The following TENM3 variants were observed in gnomAD, a reference collection of about 807,000 sequenced individuals.
TENM3 encodes teneurin-3.
In TENM3, 63 loss-of-function variants were observed where a neutral mutation model predicts 255.1. The observed-to-expected ratio is 0.25, with a 90% confidence interval of 0.20 to 0.30. The LOEUF is 0.30. Among genes scored for constraint, TENM3 ranks in the 10% least tolerant of loss-of-function variants. The probability of loss-of-function intolerance (pLI) is 1.00; values close to 1 mark genes in which losing one functional copy is unlikely to be tolerated. For synonymous variants in TENM3, 1,306 were observed against 1,322.3 expected, an observed-to-expected ratio of 0.99 and a Z score of 0.27; for missense variants, 2,929 against 3,461.1, an observed-to-expected ratio of 0.85 and a Z score of 3.86.
chr4:181,527,411 C>T, the TENM3 span, among the ~76,000 whole-genome samples: 1 of 152,040 alleles, frequency 6.6e-6, no homozygotes. Flanking sequence ...CTTTGTCACC[C>T]AGGCTGGAGT....
the TENM3 span, among the ~76,000 whole-genome samples, chr4:181,978,862 T>A: frequency 1.3e-4 from 20 of 150,724 alleles, no homozygotes; most frequent in Admixed American, 1.3e-3. Flanking sequence ...TTGTGGTCTC[T>A]TGTTCTGCTT....
chr4:182,651,217 C>T (rs559184797), intron 5 of TENM3, among the ~76,000 whole-genome samples: 1 of 152,034 alleles, frequency 6.6e-6, no homozygotes, highest in South Asian at 2.1e-4. Context: ...AACTAAGCTC[C>T]CATTATTTTG....
intron 16 of TENM3, among the ~76,000 whole-genome samples, chr4:182,731,958 T>G (rs1760782287): frequency 1.3e-5 from 2 of 151,918 alleles, no homozygotes; most frequent in African/African-American, 2.4e-5. Flanking sequence ...ATTTTTTGTA[T>G]TTTTAGTAGA....
At chr4:182,368,254 T>C (rs1766562589) in intron 3 of TENM3, among the ~76,000 whole-genome samples, 1 of 152,208 alleles carries the variant, frequency 6.6e-6, no homozygotes, top group African/African-American at 2.4e-5. Flanking sequence ...AGAGGCAGGA[T>C]GGTGCAAGGA....
At chr4:181,810,847 C>T in the TENM3 span, among the ~76,000 whole-genome samples, 26 of 152,184 alleles carry the variant, frequency 1.7e-4, no homozygotes, top group Admixed American at 7.2e-4. Context: ...GAGCGGCAAG[C>T]GTTCCAGTGT....
At chr4:182,412,138 T>C (rs118096734) in intron 3 of TENM3, among the ~76,000 whole-genome samples, 2,535 of 152,202 alleles carry the variant, frequency 0.017, 57 homozygotes, top group East Asian at 0.069. Context: ...TGTAAGCTCC[T>C]CCCTAGAAAG....
intron 27 of TENM3, 22 bp downstream of exon 27, chr4:182,796,789 G>T: frequency 6.3e-7 from 1 of 1,583,998 alleles, no homozygotes. Context: ...AAAGACCTAC[G>T]GAAAGGTGAT....
At chr4:181,786,010 G>A in the TENM3 span, among the ~76,000 whole-genome samples, 3 of 152,174 alleles carry the variant, frequency 2.0e-5, no homozygotes, top group Non-Finnish European at 4.4e-5. Flanking sequence ...ACGCTGGGCT[G>A]TAAGGAAAAC....
intron 3 of TENM3, among the ~76,000 whole-genome samples, chr4:182,568,109 A>C (rs1487161112): frequency 6.6e-6 from 1 of 152,192 alleles, no homozygotes; most frequent in Admixed American, 6.5e-5. Flanking sequence ...ATGTGCACCT[A>C]ATTCATCAGC....
At chr4:182,636,392 T>C (rs1448878050) in intron 5 of TENM3, among the ~76,000 whole-genome samples, 1 of 152,192 alleles carries the variant, frequency 6.6e-6, no homozygotes, top group Non-Finnish European at 1.5e-5. Flanking sequence ...AAACATAATG[T>C]ATTTTACTCT....
At chr4:181,845,919 A>G in the TENM3 span, among the ~76,000 whole-genome samples, 8 of 152,088 alleles carry the variant, frequency 5.3e-5, no homozygotes, top group Non-Finnish European at 8.8e-5. Flanking sequence ...ATTCTTTCCT[A>G]TTGGCATCTT....
chr4:181,904,484 A>G, the TENM3 span, among the ~76,000 whole-genome samples: 314 of 152,342 alleles, frequency 2.1e-3, 6 homozygotes, highest in South Asian at 0.063. Context: ...ATATGCCCAT[A>G]CTAATTAAAA....
In TENM3 at chr4:182,422,254, A is replaced by C. The variant is rs766363338; in HGVS notation, c.511+75325A>C. Among the ~76,000 whole-genome samples, 12 of 152,070 alleles carry C rather than the reference A, an allele frequency of 7.9e-5. No individual in the cohort carries two copies. In the South Asian group the frequency reaches 8.3e-4, roughly 11 times the overall value. ...GTAGACTGTAGTGTTAGAAGTTCTA[A>C]AGCCAAGCAAGCAGTGGGCTGTAGT... On this transcript the variant is annotated intron_variant, in intron 3 of 27. Coordinates refer to ENST00000511685, the MANE Select transcript of TENM3 (RefSeq NM_001080477.4).
chr4:181,448,206 G>T, the TENM3 span, among the ~76,000 whole-genome samples: 2 of 114,164 alleles, frequency 1.8e-5, no homozygotes, highest in African/African-American at 3.6e-5. Flanking sequence ...TCGCTCTGTC[G>T]CCCAGGCTGG....
chr4:181,800,447 T>C, the TENM3 span, among the ~76,000 whole-genome samples: 7 of 151,990 alleles, frequency 4.6e-5, no homozygotes, highest in Non-Finnish European at 8.8e-5. Context: ...GCCTGACCAA[T>C]ATGGTGAAAC....
chr4:182,073,743 T>C, the TENM3 span, among the ~76,000 whole-genome samples: 3 of 152,160 alleles, frequency 2.0e-5, no homozygotes, highest in Non-Finnish European at 4.4e-5. Flanking sequence ...GTGTAACTAC[T>C]CAGTCTTGCC....
chr4:181,713,953 G>A, the TENM3 span, among the ~76,000 whole-genome samples: 19 of 152,140 alleles, frequency 1.2e-4, no homozygotes, highest in Non-Finnish European at 2.6e-4. Flanking sequence ...GTTAAGACAG[G>A]TACTTTGTGG....
At chr4:182,057,871 C>T in the TENM3 span, among the ~76,000 whole-genome samples, 1 of 151,868 alleles carries the variant, frequency 6.6e-6, no homozygotes, top group Non-Finnish European at 1.5e-5. Flanking sequence ...AGGATTTCTG[C>T]CAGAAAACTG....
At chr4:182,726,646 C>G (rs989394929) in intron 13 of TENM3, among the ~76,000 whole-genome samples, 1 of 152,098 alleles carries the variant, frequency 6.6e-6, no homozygotes, top group Non-Finnish European at 1.5e-5. Flanking sequence ...TGGGGAAGGC[C>G]GGATACGCAA....
Sources: gnomAD v4.1 joint callset for allele counts (sites outside exome capture counted in the v4.1 genomes callset) on GRCh38, gnomAD v4.1.1 for gene constraint, MANE v1.5 for transcripts, NCBI Gene and HGNC (gene_info 2026-07-23, HGNC 2026-07-21) for gene names.